Variants in CYGB observed in about 807,000 individuals in gnomAD.
The protein encoded by CYGB is histoglobin.
Under a neutral mutation model 20.7 loss-of-function variants are expected in CYGB, and 13 were observed. The ratio of observed to expected loss-of-function variants is 0.63; its 90% CI spans 0.41 to 1.00. The LOEUF (loss-of-function observed/expected upper bound fraction) is 1.00. CYGB is among the 50% of genes least tolerant of loss of function. CYGB has a pLI of 0.00. For synonymous variants in CYGB, 93 were observed against 107.4 expected, an observed-to-expected ratio of 0.87 and a Z score of 0.83; for missense variants, 218 against 257.2, an observed-to-expected ratio of 0.85 and a Z score of 1.04.
chr17:76,537,455 T>G lies in CYGB; in HGVS notation c.88A>C (p.Met30Leu). 6.3e-7 allele frequency: 1 copy of G among 1,597,614 alleles called. No homozygotes were observed. Among genetic ancestry groups the G allele is most frequent in the Non-Finnish European group, 8.5e-7 (1 of 1,172,356 alleles). The change falls in exon 1 of 4, where the codon ATG (methionine) becomes CTG (leucine). Residue 30 changes from methionine to leucine, a missense_variant. Physicochemically the swap from Met to Leu is conservative, Grantham distance 15. Coordinates refer to ENST00000293230, the MANE Select transcript of CYGB (RefSeq NM_134268.5). The stretch of plus-strand genomic sequence containing the variant: ...CAGTTGGCATAGAGCCGGGCCCACA[T>G]AGCCTGCACCGCCTTCCTCTCCGCC... ...SEAERKAVQA[M>L]WARLYANCED...
chr17:76,544,221 C>T (rs1267287400), intron 1 of CYGB: 1 of 454,586 alleles, frequency 2.2e-6, no homozygotes, highest in South Asian at 1.6e-5. Context: ...ACACGCGTCT[C>T]TCCTCCCCAG....
rs574031274 is a variant in CYGB, at chr17:76,529,074, G to A, written c.540-463C>T. ...CCCCCCACCCCCCACCCACGCAAAG[G>A]CGCACACCCTGGAGCAGAGACGGCT... On this transcript the variant is annotated intron_variant, in intron 3 of 3. Transcript: ENST00000293230. 562 of 943,576 alleles carry A rather than the reference G, an allele frequency of 6.0e-4. No homozygotes were observed. The African/African-American group carries it at 0.01, about 17-fold the overall frequency. 58.5% of individuals were successfully genotyped at this position (943,576 alleles called of 1,614,324 possible).
chr17:76,527,680 C>G lies in CYGB; in HGVS notation c.*898G>C, dbSNP rs1411689874. The G allele has an allele frequency of 4.4e-6, 2 of 453,882 alleles. No homozygotes were observed. Among genetic ancestry groups the G allele is most frequent in the African/African-American group, 2.0e-5 (1 of 49,962 alleles). 28.1% of individuals were successfully genotyped at this position (453,882 alleles called of 1,614,324 possible). On this transcript the variant is annotated 3_prime_UTR_variant, in exon 4 of 4. Transcript: ENST00000293230. ...GTGAGACCCAGGCATGTGGTCCCGC[C>G]GACCTGCTGCCCAGCAGCCCGGATC...
rs368573867 is a variant in CYGB, at chr17:76,527,681, G to A, written c.*897C>T. On this transcript the variant is annotated 3_prime_UTR_variant, in exon 4 of 4. Transcript: ENST00000293230. ...TGAGACCCAGGCATGTGGTCCCGCC[G>A]ACCTGCTGCCCAGCAGCCCGGATCC... is the stretch of plus-strand genomic sequence containing the variant. The A allele has an allele frequency of 4.1e-3, 1,848 of 453,994 alleles. 24 individuals are homozygous for A. Among genetic ancestry groups the A allele is most frequent in the African/African-American group, 0.034 (1,698 of 50,074 alleles). 28.1% of individuals were successfully genotyped at this position (453,994 alleles called of 1,614,324 possible).
At position 76,533,100 on chromosome 17, in the gene CYGB, C is replaced by T. The variant is rs1404176649; in HGVS notation, c.144-1409G>A. 6.6e-6 allele frequency among the ~76,000 whole-genome samples: 1 copy of T among 152,188 alleles called. No individual in the cohort carries two copies. The highest frequency in any genetic ancestry group is 1.5e-5 in the Non-Finnish European group (1 of 68,032). On this transcript the variant is annotated intron_variant, in intron 1 of 3. Coordinates refer to ENST00000293230, the MANE Select transcript of CYGB (RefSeq NM_134268.5). The surrounding 1 kb of genome is among the most constrained non-coding windows in gnomAD (Gnocchi z 4.5). ...AACAGATGCGGAGAGGGCATCTGGC[C>T]GGGTCATCCCTGCTGCTGGTGGAAC...
chr17:76,535,733 G>T (rs913583614), intron 1 of CYGB, among the ~76,000 whole-genome samples: 2 of 152,196 alleles, frequency 1.3e-5, no homozygotes, highest in African/African-American at 4.8e-5. Context: ...CCCAGACATG[G>T]CCCTGGCCTC....
rs538690607 is a variant in CYGB at position 76,530,719 on chromosome 17, G to T, written c.539+260C>A. On this transcript the variant is annotated intron_variant, in intron 3 of 3. Coordinates refer to ENST00000293230, the MANE Select transcript of CYGB (RefSeq NM_134268.5). The surrounding 1 kb of genome is among the most constrained non-coding windows in gnomAD (Gnocchi z 6.1). ...GCTTTGGGTGCTCTGAGCTCTCCCT[G>T]GCTCTAGGGAAGGGGAAGGCTCTTT... 2.0e-5 allele frequency among the ~76,000 whole-genome samples: 3 copies of T among 152,306 alleles called. No homozygotes were observed. The highest frequency in any genetic ancestry group is 7.2e-5 in the African/African-American group (3 of 41,572).
rs1491548595 is a variant in CYGB at position 76,534,145 on chromosome 17, T to TC, written c.144-2455_144-2454insG. The stretch of plus-strand genomic sequence containing the variant: ...TTCTTTCTTTCTCTCTCTCTTTCTC[T>TC]TTCTCTCTCTCTCTCTCTCTCTCTC... On this transcript the variant is annotated intron_variant, in intron 1 of 3. Coordinates refer to ENST00000293230, the MANE Select transcript of CYGB (RefSeq NM_134268.5). Among the ~76,000 whole-genome samples, 432 of 107,488 alleles carry TC rather than the reference T, an allele frequency of 4.0e-3. 2 individuals carry two copies. The highest frequency in any genetic ancestry group is 6.2e-3 in the South Asian group (20 of 3,212). The allele number at this position is 107,488 out of a possible 152,430, so 70.5% of individuals were successfully genotyped here. A position where few individuals can be genotyped will look rare whatever the true frequency, so the allele number is the denominator to read the frequency against.
At chr17:76,540,619 A>G, upstream of CYGB, 4 of 1,587,550 alleles carry the variant, frequency 2.5e-6, no homozygotes, top group Non-Finnish European at 3.5e-6. This position sits in a 1 kb window ranked among gnomAD's most constrained non-coding sequence, Gnocchi z 5.0. Flanking sequence ...CTGCCAAGGA[A>G]GCTGTGGCTG....
chr17:76,541,643 G>A (rs1369969975), upstream of CYGB, among the ~76,000 whole-genome samples: 1 of 152,164 alleles, frequency 6.6e-6, no homozygotes, highest in Non-Finnish European at 1.5e-5. Flanking sequence ...ACCTCAACTC[G>A]ATAGGCCAGC....
At chr17:76,536,039 CT>C (rs1195458403) in intron 1 of CYGB, among the ~76,000 whole-genome samples, 1 of 152,190 alleles carries the variant, frequency 6.6e-6, no homozygotes, top group Non-Finnish European at 1.5e-5. Context: ...CCACAATGTG[CT>C]TGTGTGGGTG....
intron 1 of CYGB, among the ~76,000 whole-genome samples, chr17:76,536,588 G>A (rs2074916587): frequency 6.6e-6 from 1 of 152,156 alleles, no homozygotes; most frequent in Admixed American, 6.5e-5. Context: ...TAAGGATGGT[G>A]TGTGTGCTCT....
chr17:76,539,404 C>T (rs987228413), upstream of CYGB, among the ~76,000 whole-genome samples: 1 of 152,158 alleles, frequency 6.6e-6, no homozygotes, highest in African/African-American at 2.4e-5. Flanking sequence ...AGTGGCTGCA[C>T]CTGTCTATTT....
rs2143087064 is a variant in CYGB at position 76,531,792 on chromosome 17, TC to T, written c.144-102del. The T allele has an allele frequency of 4.3e-6, 4 of 932,530 alleles. No individual in the cohort carries two copies. The highest frequency in any genetic ancestry group is 1.6e-5 in the South Asian group (1 of 60,818). 57.8% of individuals were successfully genotyped at this position (932,530 alleles called of 1,614,324 possible). On this transcript the variant is annotated intron_variant, in intron 1 of 3. Transcript: ENST00000293230. The surrounding 1 kb of genome is among the most constrained non-coding windows in gnomAD (Gnocchi z 7.4). Reference sequence around the variant, plus strand: ...GGGCTGAAGAAGTGGACCGCAGTGCTCCCCACCCCCGCACCGTCACTGTTTT... The same window carrying T: ...GGGCTGAAGAAGTGGACCGCAGTGCTCCCACCCCCGCACCGTCACTGTTTT...
At chr17:76,534,177 T>TCTCTCTCTCTCTCTCTCTC (rs36089608) in intron 1 of CYGB, among the ~76,000 whole-genome samples, 1 of 132,288 alleles carries the variant, frequency 7.6e-6, no homozygotes. Flanking sequence ...TCTCTCTCTC[T>TCTCTCTCTCTCTCTCTCTC]TTCTTTCTTT....
chr17:76,529,161 TTCTAGGACTCTAC>T (rs1459915079), intron 3 of CYGB: 1 of 983,012 alleles, frequency 1.0e-6, no homozygotes, highest in Non-Finnish European at 1.2e-6. Flanking sequence ...GGCGAGGGCC[TTCTAGGACTCTAC>T]TCTGTAACTC....
chr17:76,548,119 TCA>T (rs778511751), intron 1 of CYGB, among the ~76,000 whole-genome samples: 5 of 149,924 alleles, frequency 3.3e-5, no homozygotes, highest in East Asian at 2.0e-4. Context: ...ACACACATAA[TCA>T]CAGATACACA....
At chr17:76,536,805 C>T (rs1374313214) in intron 1 of CYGB, among the ~76,000 whole-genome samples, 2 of 152,214 alleles carry the variant, frequency 1.3e-5, no homozygotes, top group African/African-American at 4.8e-5. Context: ...CTGTTTGCTT[C>T]TCCACTCACC....
At chr17:76,532,883 G>GTA (rs1408054824) in intron 1 of CYGB, among the ~76,000 whole-genome samples, 1 of 152,210 alleles carries the variant, frequency 6.6e-6, no homozygotes, top group African/African-American at 2.4e-5. Context: ...TGGATGTCAT[G>GTA]TGAGACATGG....
Sources: gnomAD v4.1 joint callset for allele counts (sites outside exome capture counted in the v4.1 genomes callset) on GRCh38, gnomAD v4.1.1 for gene constraint, Gnocchi (gnomAD v3.1) non-coding constraint, MANE v1.5 for transcripts, NCBI Gene and HGNC (gene_info 2026-07-23, HGNC 2026-07-21) for gene names.